RYR2: variants seen among roughly 807,000 people sequenced by gnomAD.
RYR2 encodes the protein cardiac muscle ryanodine receptor-calcium release channel.
RYR2 carries 227 observed loss-of-function variants against 601.1 expected under a neutral mutation model. The observed-to-expected ratio is 0.38, with a 90% confidence interval of 0.34 to 0.42. The LOEUF is 0.42. RYR2 is among the 10% of genes least tolerant of loss of function. The probability of loss-of-function intolerance (pLI) is 1.00; values close to 1 mark genes in which losing one functional copy is unlikely to be tolerated. For missense variants in RYR2, 4,646 were observed against 6,156.5 expected, an observed-to-expected ratio of 0.75 and a Z score of 8.21; for synonymous variants, 2,223 against 2,175.1, an observed-to-expected ratio of 1.02 and a Z score of -0.61.
chr1:237,087,826 A>G (rs953468722), intron 1 of RYR2, among the ~76,000 whole-genome samples: 33 of 152,316 alleles, frequency 2.2e-4, no homozygotes, highest in Admixed American at 2.0e-3. Context: ...GAAAGTCTCC[A>G]TTTAATTTTG....
intron 13 of RYR2, among the ~76,000 whole-genome samples, chr1:237,444,382 A>G (rs1385238212): frequency 6.6e-6 from 1 of 152,140 alleles, no homozygotes; most frequent in Admixed American, 6.6e-5. Context: ...TTTGCCTTTG[A>G]ATATAGATAT....
Position 237,655,933 on chromosome 1 carries a change from C to T in RYR2, c.8078C>T (p.Ser2693Leu). The T allele has an allele frequency of 6.2e-7, 1 of 1,613,316 alleles. No homozygotes were observed. The highest frequency in any genetic ancestry group is 8.5e-7 in the Non-Finnish European group (1 of 1,179,616). The change falls in exon 53 of 105, where the codon TCA becomes TTA. Residue 2693 changes from serine to leucine, a missense_variant. Physicochemically the swap from Ser to Leu is moderately radical, Grantham distance 145. Transcript: ENST00000366574. The part of the protein sequence containing the change: ...SNYVSMMEKQ[S>L]SMDSEGNFNP... Reference sequence around the variant, plus strand: ...TATGTCAGTATGATGGAAAAACAGTCATCAATGGATTCTGAAGGGAACTTT... The same window carrying T: ...TATGTCAGTATGATGGAAAAACAGTTATCAATGGATTCTGAAGGGAACTTT...
At chr1:237,665,768 G>T (rs552245486) in intron 56 of RYR2, among the ~76,000 whole-genome samples, 2 of 152,108 alleles carry the variant, frequency 1.3e-5, no homozygotes, top group Non-Finnish European at 2.9e-5. Context: ...GCATGATAAT[G>T]AGCTATATTT....
At chr1:237,814,773 C>A (rs1309721042) in intron 100 of RYR2, among the ~76,000 whole-genome samples, 3 of 151,958 alleles carry the variant, frequency 2.0e-5, no homozygotes, top group Admixed American at 6.6e-5. Flanking sequence ...ACCCCCTGAA[C>A]CAGAGGCTGC....
At chr1:237,113,187 A>ATTTTAT (rs532244369) in intron 1 of RYR2, among the ~76,000 whole-genome samples, 27 of 151,236 alleles carry the variant, frequency 1.8e-4, no homozygotes, top group Non-Finnish European at 2.8e-4. Flanking sequence ...TATTTATTTT[A>ATTTTAT]TTTTATTTTT....
Position 237,173,469 on chromosome 1 carries a change from C to T in RYR2, c.49-97028C>T, listed in dbSNP as rs769981252. On this transcript the variant is annotated intron_variant, in intron 1 of 104. Transcript: ENST00000366574. ...AGGACTCCTACACTTGAAAAGTGGT[C>T]GGAAGGGCACCTGCACAAGGTCAGC... 3.3e-5 allele frequency among the ~76,000 whole-genome samples: 5 copies of T among 152,082 alleles called. No individual in the cohort carries two copies. The East Asian group carries it at 5.8e-4, about 18-fold the overall frequency.
chr1:237,244,111 C>G (rs1308568145), intron 1 of RYR2, among the ~76,000 whole-genome samples: 1 of 152,166 alleles, frequency 6.6e-6, no homozygotes, highest in African/African-American at 2.4e-5. Flanking sequence ...ATGGCTCCCT[C>G]TGAAGAGGAA....
At chr1:237,672,030 T>G (rs564420064) in intron 58 of RYR2, among the ~76,000 whole-genome samples, 47 of 152,270 alleles carry the variant, frequency 3.1e-4, no homozygotes, top group Non-Finnish European at 5.9e-4. Flanking sequence ...TCCATGTAGC[T>G]GATTTCCTTC....
chr1:237,769,378 C>T (rs1694091532), intron 84 of RYR2, among the ~76,000 whole-genome samples: 1 of 152,118 alleles, frequency 6.6e-6, no homozygotes, highest in African/African-American at 2.4e-5. Flanking sequence ...GACTTATCAG[C>T]CAATTATGGG....
In RYR2 at chr1:237,081,512, CATAT is replaced by C. The variant is rs5781933; in HGVS notation, c.48+38957_48+38960del. The stretch of plus-strand genomic sequence containing the variant: ...TATACATATATAAATACACCCCCCA[CATAT>C]ATATATATATATACATGCATGTATA... On this transcript the variant is annotated intron_variant, in intron 1 of 104. Transcript: ENST00000366574. 1.5e-3 allele frequency among the ~76,000 whole-genome samples: 217 copies of C among 148,404 alleles called. 1 individual carries two copies. Among genetic ancestry groups the C allele is most frequent in the African/African-American group, 3.7e-3 (151 of 40,562 alleles).
intron 57 of RYR2, among the ~76,000 whole-genome samples, chr1:237,667,181 T>C (rs1684401751): frequency 6.6e-6 from 1 of 152,218 alleles, no homozygotes; most frequent in Non-Finnish European, 1.5e-5. Context: ...TAAGATAAAA[T>C]TTATTGCCTT....
chr1:237,687,358 TTC>T, intron 62 of RYR2, 95 bp from the exon 63 acceptor site: 1 of 641,126 alleles, frequency 1.6e-6, no homozygotes, highest in Non-Finnish European at 2.5e-6. Context: ...TTTTTCTTTT[TTC>T]TTCTTCTTTT....
At chr1:237,729,277 C>T (rs1690477670) in intron 76 of RYR2, among the ~76,000 whole-genome samples, 1 of 152,126 alleles carries the variant, frequency 6.6e-6, no homozygotes, top group African/African-American at 2.4e-5. Context: ...GTATTCAGGC[C>T]TCAACTTATT....
At chr1:237,488,425 T>C (rs1337328340) in intron 17 of RYR2, among the ~76,000 whole-genome samples, 1 of 152,162 alleles carries the variant, frequency 6.6e-6, no homozygotes, top group Non-Finnish European at 1.5e-5. Context: ...GCAAGCTCCC[T>C]TGGGGCCTCC....
chr1:237,592,924 G>A (rs955432635), intron 32 of RYR2, among the ~76,000 whole-genome samples: 2 of 151,610 alleles, frequency 1.3e-5, no homozygotes, highest in African/African-American at 4.9e-5. Flanking sequence ...GGGAGGCTGA[G>A]GCAGGAGAAT....
rs755089780 is a variant in RYR2 at position 237,614,363 on chromosome 1, A to G, written c.5235A>G (p.Lys1745=). ...CCCTGTTCCCTGATGAGAACAAAAA[A>G]CACGGCCTTCCAGGGATCGGCCTCA... ...SITLFPDENK[K]HGLPGIGLST... is the part of the protein sequence containing the mutation. Residue 1745 remains lysine, a synonymous_variant, in exon 37 of 105, where the codon AAA becomes AAG. Transcript: ENST00000366574. This position sits in a 1 kb window ranked among gnomAD's most constrained non-coding sequence, Gnocchi z 4.3. 7.4e-6 allele frequency: 12 copies of G among 1,613,906 alleles called. No homozygotes were observed. The highest frequency in any genetic ancestry group is 1.0e-5 in the Non-Finnish European group (12 of 1,179,896).
In RYR2 at chr1:237,610,865, G is replaced by A. The variant is rs763481008; in HGVS notation, c.4787G>A (p.Trp1596Ter). 1 of 1,613,288 alleles carries A rather than the reference G, an allele frequency of 6.2e-7. No individual in the cohort carries two copies. The highest frequency in any genetic ancestry group is 1.7e-5 in the Admixed American group (1 of 59,928). Residue 1596 changes from tryptophan to a stop codon, truncating the protein, a stop_gained, in exon 36 of 105, where the codon TGG becomes TAG. Transcript: ENST00000366574. LOFTEE classifies it high-confidence loss of function. This position sits in a 1 kb window ranked among gnomAD's most constrained non-coding sequence, Gnocchi z 4.9. ...LHVQFLSHVLWSRMPNQFLKV... is the reference protein window; with the variant it reads ...LHVQFLSHVL ...GTGCAGTTCCTGTCACACGTCCTGT[G>A]GAGCAGAATGCCCAACCAGTTTTTG...
intron 1 of RYR2, among the ~76,000 whole-genome samples, chr1:237,124,527 T>C (rs937124813): frequency 6.6e-6 from 1 of 152,236 alleles, no homozygotes; most frequent in Non-Finnish European, 1.5e-5. Flanking sequence ...CATTTCTTTC[T>C]GAAGGTTCTA....
At chr1:237,524,363 T>TA (rs1271737448) in intron 24 of RYR2, among the ~76,000 whole-genome samples, 1 of 152,124 alleles carries the variant, frequency 6.6e-6, no homozygotes, top group African/African-American at 2.4e-5. Flanking sequence ...GGCATATTGA[T>TA]AGAGACATAA....
Sources: gnomAD v4.1 joint callset for allele counts (sites outside exome capture counted in the v4.1 genomes callset) on GRCh38, gnomAD v4.1.1 for gene constraint, Gnocchi (gnomAD v3.1) non-coding constraint, MANE v1.5 for transcripts, NCBI Gene and HGNC (gene_info 2026-07-23, HGNC 2026-07-21) for gene names.